The following SMCHD1 variants were observed in gnomAD, a reference collection of about 807,000 sequenced individuals.
The protein encoded by SMCHD1 is structural maintenance of chromosomes flexible hinge domain-containing protein 1.
SMCHD1 carries 78 observed loss-of-function variants against 254.7 expected under a neutral mutation model. The observed-to-expected ratio is 0.31, with a 90% CI of 0.26 to 0.37. The LOEUF (loss-of-function observed/expected upper bound fraction) is 0.37, where lower values mean the gene tolerates loss of function less well. Among genes scored for constraint, SMCHD1 ranks in the 10% least tolerant of loss-of-function variants. The probability of loss-of-function intolerance (pLI) is 1.00; values close to 1 mark genes in which losing one functional copy is unlikely to be tolerated. For synonymous variants in SMCHD1, 766 were observed against 794.9 expected (o/e 0.96, Z 0.61); for missense variants, 1,840 against 2,408.1 (o/e 0.76, Z 4.94).
At chr18:2,746,636 C>T (rs980420900) in intron 29 of SMCHD1, among the ~76,000 whole-genome samples, 10 of 152,234 alleles carry the variant, frequency 6.6e-5, no homozygotes, top group African/African-American at 2.4e-4. Flanking sequence ...TTTCCATTTT[C>T]AGCAGCCTTT....
At chr18:2,658,851 T>TAC (rs2073154938) in intron 1 of SMCHD1, among the ~76,000 whole-genome samples, 2 of 150,770 alleles carry the variant, frequency 1.3e-5, no homozygotes, top group Admixed American at 6.6e-5. Context: ...TATGTATATG[T>TAC]ATATATACAT....
intron 5 of SMCHD1, among the ~76,000 whole-genome samples, chr18:2,683,203 A>G (rs2073969756): frequency 6.6e-6 from 1 of 152,118 alleles, no homozygotes. Flanking sequence ...GTATTGCCAT[A>G]GTAACTGAAT....
At chr18:2,680,508 T>C (rs1213336807) in intron 5 of SMCHD1, among the ~76,000 whole-genome samples, 1 of 152,188 alleles carries the variant, frequency 6.6e-6, no homozygotes, top group Admixed American at 6.5e-5. Context: ...GTGTGCATAG[T>C]GGGGTATGTT....
At chr18:2,711,444 A>G (rs1200705851) in intron 17 of SMCHD1, among the ~76,000 whole-genome samples, 6 of 148,536 alleles carry the variant, frequency 4.0e-5, no homozygotes, top group Admixed American at 1.3e-4. Flanking sequence ...CCAAGAGTAA[A>G]TCTCACTTGG....
In SMCHD1 at chr18:2,743,809, C is replaced by G. The variant is rs774657148; in HGVS notation, c.3682C>G (p.Pro1228Ala). ...AAGAGGCATCAAATTTATTCCAGGT[C>G]CTCCTGGAAATAAGGATCTTTGTTT... is the stretch of plus-strand genomic sequence containing the variant. ...SVRGIKFIPG[P>A]PGNKDLCFTW... Residue 1228 changes from proline to alanine, a missense_variant, in exon 29 of 48, where the codon CCT (proline) becomes GCT (alanine). Transcript: ENST00000320876. The G allele has an allele frequency of 4.3e-6, 7 of 1,612,512 alleles. No homozygotes were observed. Among genetic ancestry groups the G allele is most frequent in the African/African-American group, 1.3e-5 (1 of 74,874 alleles).
intron 29 of SMCHD1, among the ~76,000 whole-genome samples, chr18:2,746,962 A>C (rs1252092613): frequency 8.0e-6 from 1 of 125,564 alleles, no homozygotes; most frequent in African/African-American, 3.0e-5. Flanking sequence ...AGTGTAGATC[A>C]TCAGTGAATA....
At chr18:2,715,206 T>C (rs1377274215) in intron 17 of SMCHD1, among the ~76,000 whole-genome samples, 1 of 152,164 alleles carries the variant, frequency 6.6e-6, no homozygotes, top group Non-Finnish European at 1.5e-5. Flanking sequence ...TCTAAAGTTT[T>C]TGCTTTTTCT....
intron 30 of SMCHD1, among the ~76,000 whole-genome samples, chr18:2,748,380 G>GTGTGTGTGTGTGTGTGTGTATGTA (rs561439889): frequency 1.2e-5 from 1 of 80,278 alleles, no homozygotes; most frequent in African/African-American, 6.9e-5. Flanking sequence ...GTGTGTGTGT[G>GTGTGTGTGTGTGTGTGTGTATGTA]TGTATATAAA....
chr18:2,785,268 CT>C (rs1336585293), intron 45 of SMCHD1, among the ~76,000 whole-genome samples: 2 of 152,192 alleles, frequency 1.3e-5, no homozygotes, highest in Non-Finnish European at 2.9e-5. Flanking sequence ...CTCAACTCTA[CT>C]TTCCTAACAC....
At chr18:2,678,205 T>G (rs2073801944) in intron 5 of SMCHD1, among the ~76,000 whole-genome samples, 1 of 46,698 alleles carries the variant, frequency 2.1e-5, no homozygotes, top group Non-Finnish European at 8.1e-5. Flanking sequence ...CTGTCTTTTC[T>G]TTCTTTTCTT....
chr18:2,714,322 G>A (rs989356756), intron 17 of SMCHD1, among the ~76,000 whole-genome samples: 1 of 152,056 alleles, frequency 6.6e-6, no homozygotes, highest in Non-Finnish European at 1.5e-5. Flanking sequence ...TGTTTGCATG[G>A]AATAGCTGTT....
chr18:2,707,515 C>A, intron 15 of SMCHD1, 48 bp from the exon 16 acceptor site: 1 of 1,119,088 alleles, frequency 8.9e-7, no homozygotes, highest in Non-Finnish European at 1.3e-6. Context: ...TAATTAAGAT[C>A]ATAATTAACA....
chr18:2,735,133 A>G (rs900110998), intron 25 of SMCHD1, among the ~76,000 whole-genome samples: 2 of 152,142 alleles, frequency 1.3e-5, no homozygotes, highest in Non-Finnish European at 2.9e-5. Flanking sequence ...GGTTGAACCA[A>G]CCCTGAATAT....
At chr18:2,737,984 A>C (rs141713116) in intron 25 of SMCHD1, among the ~76,000 whole-genome samples, 1 of 152,146 alleles carries the variant, frequency 6.6e-6, no homozygotes, top group Non-Finnish European at 1.5e-5. Context: ...CTTTTTTCTC[A>C]CCTTGCTAAG....
At chr18:2,758,429 A>G (rs927895215) in intron 34 of SMCHD1, among the ~76,000 whole-genome samples, 3 of 151,962 alleles carry the variant, frequency 2.0e-5, no homozygotes, top group East Asian at 1.9e-4. Context: ...CCTTCTCCCA[A>G]TTTACATGCC....
At chr18:2,725,304 T>A (rs2075005072) in intron 21 of SMCHD1, among the ~76,000 whole-genome samples, 1 of 146,064 alleles carries the variant, frequency 6.8e-6, no homozygotes, top group South Asian at 2.1e-4. Context: ...ACTCTGCTGT[T>A]TTTTTTTTTT....
At chr18:2,745,621 A>G (rs1166455336) in intron 29 of SMCHD1, among the ~76,000 whole-genome samples, 1 of 152,184 alleles carries the variant, frequency 6.6e-6, no homozygotes, top group Non-Finnish European at 1.5e-5. Flanking sequence ...GATGCCAGTG[A>G]AGTATTTGTT....
chr18:2,727,776 A>G (rs1054384993), intron 22 of SMCHD1, among the ~76,000 whole-genome samples: 13 of 152,096 alleles, frequency 8.5e-5, no homozygotes, highest in African/African-American at 3.1e-4. Flanking sequence ...AACTTAGCAC[A>G]GTGCTTCATA....
Position 2,769,991 on chromosome 18 carries a change from G to T in SMCHD1, c.4849G>T (p.Val1617Phe), listed in dbSNP as rs774306466. 6.3e-7 allele frequency: 1 copy of T among 1,581,608 alleles called. No homozygotes were observed. Among genetic ancestry groups the T allele is most frequent in the South Asian group, 1.2e-5 (1 of 83,912 alleles). ...ATTATCTCAATTTTTTTTCTTAGATGTTAAGAAGCAGCAACAAATGGCAGC... is the reference window on the plus strand; with the variant it reads ...ATTATCTCAATTTTTTTTCTTAGATTTTAAGAAGCAGCAACAAATGGCAGC... ...YILPFMFYNDVKKQQQMAALT... is the reference protein window; with the variant it reads ...YILPFMFYNDFKKQQQMAALT... Residue 1617 changes from valine (V) to phenylalanine (F), a missense_variant and splice_region_variant, in exon 39 of 48, where the codon GTT (valine) becomes TTT (phenylalanine). Transcript: ENST00000320876.
Sources: gnomAD v4.1 joint callset for allele counts (sites outside exome capture counted in the v4.1 genomes callset) on GRCh38, gnomAD v4.1.1 for gene constraint, MANE v1.5 for transcripts, NCBI Gene and HGNC (gene_info 2026-07-23, HGNC 2026-07-21) for gene names.